Variants in FYB2 observed in about 807,000 individuals in gnomAD.
The protein encoded by FYB2 is FYN binding protein 2.
A neutral mutation model predicts 94.1 loss-of-function variants in FYB2; 103 were observed. That is an observed-to-expected ratio of 1.09 (90% CI 0.93 to 1.29). FYB2 has a LOEUF of 1.29. FYB2 is among the 50% of genes most tolerant of loss of function. The pLI, the probability that FYB2 is intolerant of heterozygous loss-of-function variation, is 0.00. For missense variants in FYB2, 896 were observed against 841.5 expected (o/e 1.06, Z -0.80); for synonymous variants, 293 against 287.9 (o/e 1.02, Z -0.18).
At chr1:56,819,156 C>T (rs994877452) in intron 1 of FYB2, 126 bp downstream of exon 1, 3 of 1,082,644 alleles carry the variant, frequency 2.8e-6, no homozygotes. Flanking sequence ...TGACACCTGA[C>T]ATGTTTATTC....
At chr1:56,722,529 T>G (rs1396935504) in intron 17 of FYB2, among the ~76,000 whole-genome samples, 1 of 152,076 alleles carries the variant, frequency 6.6e-6, no homozygotes, top group Non-Finnish European at 1.5e-5. Context: ...AGGAGATGCC[T>G]CGACTGGGTC....
chr1:56,778,745 G>A (rs1014389640), intron 4 of FYB2, among the ~76,000 whole-genome samples: 4 of 152,104 alleles, frequency 2.6e-5, no homozygotes. Flanking sequence ...GAGGGAACAC[G>A]TGCTATAGCC....
Position 56,720,155 on chromosome 1 carries a change from A to G in FYB2, c.2131+18T>C, listed in dbSNP as rs1403178010. The G allele has an allele frequency of 1.3e-6, 2 of 1,598,036 alleles. No individual in the cohort carries two copies. Among genetic ancestry groups the G allele is most frequent in the South Asian group, 1.1e-5 (1 of 87,718 alleles). On this transcript the variant is annotated intron_variant, in intron 18 of 19. Coordinates refer to ENST00000343433, the MANE Select transcript of FYB2 (RefSeq NM_001004303.5). ...TAAAAAGAATGAAATATTATGAAAG[A>G]TAAGCAAATAAACTTACATTTGCCT...
intron 7 of FYB2, among the ~76,000 whole-genome samples, chr1:56,755,367 C>A (rs1645302359): frequency 6.6e-6 from 1 of 152,078 alleles, no homozygotes; most frequent in Non-Finnish European, 1.5e-5. Flanking sequence ...GGATTGGTCA[C>A]TTCTCTCAGG....
At chr1:56,807,309 T>C (rs920272737) in intron 1 of FYB2, among the ~76,000 whole-genome samples, 21 of 152,206 alleles carry the variant, frequency 1.4e-4, no homozygotes, top group African/African-American at 3.6e-4. Flanking sequence ...CCTCAGCCGA[T>C]GTGGCCATTT....
At chr1:56,818,897 C>T (rs1039054167) in intron 1 of FYB2, among the ~76,000 whole-genome samples, 2 of 152,124 alleles carry the variant, frequency 1.3e-5, no homozygotes, top group African/African-American at 2.4e-5. Context: ...GACCAGGAGG[C>T]CCGCTAATCA....
chr1:56,719,893 G>C (rs1028193946), intron 19 of FYB2, 129 bp downstream of exon 19: 17 of 1,038,118 alleles, frequency 1.6e-5, no homozygotes, highest in Non-Finnish European at 2.3e-5. Flanking sequence ...TTATAGAATA[G>C]GGCACTGCAT....
chr1:56,776,737 T>C (rs1165717908), intron 4 of FYB2, among the ~76,000 whole-genome samples: 1 of 152,070 alleles, frequency 6.6e-6, no homozygotes, highest in East Asian at 1.9e-4. Context: ...AGGAGCCTGG[T>C]CTCCTGACTG....
chr1:56,788,841 C>T, intron 3 of FYB2, 132 bp downstream of exon 3: 1 of 1,307,384 alleles, frequency 7.6e-7, no homozygotes. Flanking sequence ...GCCACAGCCT[C>T]TAGATGAGAA....
chr1:56,740,691 T>C lies in FYB2; in HGVS notation c.1703+6A>G. On this transcript the variant is annotated splice_donor_region_variant and intron_variant, in intron 13 of 19. Coordinates refer to ENST00000343433, the MANE Select transcript of FYB2 (RefSeq NM_001004303.5). ...TCGTGGAAAGGGATTTAAAGGGACT[T>C]TTTACCTTAAGTTTTCTTTCGACTT... 1 of 1,559,270 alleles carries C rather than the reference T, an allele frequency of 6.4e-7. No individual in the cohort carries two copies. Among genetic ancestry groups the C allele is most frequent in the Non-Finnish European group, 8.8e-7 (1 of 1,136,358 alleles).
upstream of FYB2, among the ~76,000 whole-genome samples, chr1:56,820,727 C>A (rs1646981856): frequency 1.3e-5 from 2 of 152,224 alleles, no homozygotes; most frequent in Admixed American, 6.5e-5. Context: ...CAGGGACTGG[C>A]AGTTTGGGTT....
chr1:56,785,680 T>C (rs902443627), intron 4 of FYB2, among the ~76,000 whole-genome samples: 2 of 152,228 alleles, frequency 1.3e-5, no homozygotes, highest in Admixed American at 6.5e-5. Flanking sequence ...CTATACTTTC[T>C]ACACTCTAAG....
chr1:56,739,334 TGTGCATAGG>T (rs1477374638), intron 13 of FYB2, among the ~76,000 whole-genome samples: 3 of 152,060 alleles, frequency 2.0e-5, no homozygotes, highest in Admixed American at 2.0e-4. Flanking sequence ...GGTCTGCCTT[TGTGCATAGG>T]GTCTCGCTGA....
intron 15 of FYB2, among the ~76,000 whole-genome samples, chr1:56,729,593 A>G (rs1004554641): frequency 2.6e-5 from 4 of 152,056 alleles, no homozygotes; most frequent in African/African-American, 9.7e-5. Flanking sequence ...TCAACATCCA[A>G]CTCTAAGCAG....
intron 17 of FYB2, among the ~76,000 whole-genome samples, chr1:56,722,353 TAAATA>T (rs1358646200): frequency 1.7e-4 from 26 of 152,212 alleles, no homozygotes; most frequent in African/African-American, 6.0e-4. Context: ...GATATAAACA[TAAATA>T]AAATAACCAT....
intron 16 of FYB2, 31 bp from the exon 17 acceptor site, chr1:56,723,712 G>A (rs372097308): frequency 2.0e-5 from 26 of 1,279,294 alleles, no homozygotes; most frequent in Admixed American, 4.1e-5. Flanking sequence ...AGGGTAAAAC[G>A]TACTATAATA....
chr1:56,799,767 C>A (rs6684923), intron 1 of FYB2, among the ~76,000 whole-genome samples: 1 of 152,126 alleles, frequency 6.6e-6, no homozygotes, highest in Non-Finnish European at 1.5e-5. Flanking sequence ...TGAGTTTACC[C>A]TGCTGCCACG....
chr1:56,823,102 TC>T (rs1647001954), upstream of FYB2, among the ~76,000 whole-genome samples: 1 of 152,192 alleles, frequency 6.6e-6, no homozygotes, highest in African/African-American at 2.4e-5. Context: ...CTTCTATTCC[TC>T]ATGACAATGT....
intron 9 of FYB2, among the ~76,000 whole-genome samples, chr1:56,750,011 T>A (rs1167796045): frequency 6.6e-6 from 1 of 152,040 alleles, no homozygotes; most frequent in African/African-American, 2.4e-5. Flanking sequence ...GTTTGATTAA[T>A]CCTTTCATTC....
Sources: gnomAD v4.1 joint callset for allele counts (sites outside exome capture counted in the v4.1 genomes callset) on GRCh38, gnomAD v4.1.1 for gene constraint, MANE v1.5 for transcripts, NCBI Gene and HGNC (gene_info 2026-07-23, HGNC 2026-07-21) for gene names.